CARF: variants seen among roughly 807,000 people sequenced by gnomAD.
The protein encoded by CARF is calcium-responsive transcription factor.
A neutral mutation model predicts 82.0 loss-of-function variants in CARF; 57 were observed. The observed-to-expected ratio is 0.70, with a 90% CI of 0.56 to 0.87. The LOEUF (loss-of-function observed/expected upper bound fraction) is 0.87. Among genes scored for constraint, CARF ranks in the 40% least tolerant of loss-of-function variants. CARF has a pLI of 0.00. For missense variants in CARF, 771 were observed against 855.8 expected, an observed-to-expected ratio of 0.90 and a Z score of 1.24; for synonymous variants, 268 against 290.1, an observed-to-expected ratio of 0.92 and a Z score of 0.77.
At chr2:202,936,268 A>G (rs528862467) in intron 3 of CARF, among the ~76,000 whole-genome samples, 10 of 152,236 alleles carry the variant, frequency 6.6e-5, no homozygotes, top group African/African-American at 2.2e-4. Flanking sequence ...TGGTGGTACT[A>G]TTTTACTTTT....
chr2:202,917,143 G>A (rs905678512), intron 1 of CARF, among the ~76,000 whole-genome samples: 5 of 144,052 alleles, frequency 3.5e-5, no homozygotes, highest in African/African-American at 2.6e-5. Flanking sequence ...CCCGGGAGGC[G>A]GAGCTTGCAG....
intron 5 of CARF, 138 bp from the exon 6 acceptor site, chr2:202,952,421 G>A: frequency 1.2e-6 from 1 of 826,598 alleles, no homozygotes; most frequent in Non-Finnish European, 1.8e-6. Flanking sequence ...GTGCCTCAAT[G>A]TTTTCATCTA....
chr2:202,938,940 A>C (rs1430895951), intron 3 of CARF, among the ~76,000 whole-genome samples: 1 of 152,052 alleles, frequency 6.6e-6, no homozygotes, highest in African/African-American at 2.4e-5. Context: ...TGTTGCTATT[A>C]AGAAGGCCAC....
At chr2:202,948,605 G>A (rs1014351889) in intron 5 of CARF, among the ~76,000 whole-genome samples, 2 of 151,864 alleles carry the variant, frequency 1.3e-5, no homozygotes, top group African/African-American at 4.8e-5. Flanking sequence ...TCTTTTTCTG[G>A]CAATTGTGAA....
At position 202,983,901 on chromosome 2, in the gene CARF, G is replaced by A. The variant is rs891592597; in HGVS notation, c.*277G>A. On this transcript the variant is annotated 3_prime_UTR_variant, in exon 17 of 17. Transcript: ENST00000438828. ...TTCTGAATTTATCCACAGTAATATA[G>A]TCTGAACACAAATAGTTTACTTAAC... 3 of 288,762 alleles carry A rather than the reference G, an allele frequency of 1.0e-5. No homozygotes were observed. The highest frequency in any genetic ancestry group is 1.9e-5 in the Non-Finnish European group (3 of 158,006). The allele number at this position is 288,762 out of a possible 1,614,324, so 17.9% of individuals were successfully genotyped here. A position where few individuals can be genotyped will look rare whatever the true frequency, so the allele number is the denominator to read the frequency against.
intron 5 of CARF, among the ~76,000 whole-genome samples, chr2:202,947,938 T>A (rs2058575880): frequency 6.6e-6 from 1 of 152,210 alleles, no homozygotes. Flanking sequence ...CATTCCCTTG[T>A]CCAGGATGGT....
rs2058898255 is a variant in CARF at position 202,954,023 on chromosome 2, C to G, written c.446C>G (p.Pro149Arg). The G allele has an allele frequency of 6.2e-7, 1 of 1,606,112 alleles. No homozygotes were observed. Among genetic ancestry groups the G allele is most frequent in the African/African-American group, 1.3e-5 (1 of 74,404 alleles). ...NSPRDVPEEK[P>R]SNRNLPTVRV... is the part of the protein sequence containing the mutation. ...TGTTAAGATGTCCCTGAAGAGAAAC[C>G]CAGTAACAGAAACTTACCAACTGTA... is the stretch of plus-strand genomic sequence containing the variant. Residue 149 changes from proline to arginine, a missense_variant, in exon 7 of 17, where the codon CCC becomes CGC. By Grantham distance (103) the Pro-to-Arg change is moderately radical. Coordinates refer to ENST00000438828, the MANE Select transcript of CARF (RefSeq NM_024744.17).
rs2060373903 is a variant in CARF at position 202,984,532 on chromosome 2, G to T, written c.*908G>T. Reference sequence around the variant, plus strand: ...ATTTTGTAATGAAGATCCAGCACTGGTTAAAAAATAATTTGATTTGTAGTT... The same window carrying T: ...ATTTTGTAATGAAGATCCAGCACTGTTTAAAAAATAATTTGATTTGTAGTT... On this transcript the variant is annotated 3_prime_UTR_variant, in exon 17 of 17. Coordinates refer to ENST00000438828, the MANE Select transcript of CARF (RefSeq NM_024744.17). 6.6e-6 allele frequency: 1 copy of T among 152,138 alleles called. No individual in the cohort carries two copies. The highest frequency in any genetic ancestry group is 1.5e-5 in the Non-Finnish European group (1 of 68,020). The allele number at this position is 152,138 out of a possible 1,614,324, so 9.4% of individuals were successfully genotyped here. A position where few individuals can be genotyped will look rare whatever the true frequency, so the allele number is the denominator to read the frequency against.
chr2:202,947,623 G>A (rs2058562086), intron 5 of CARF, among the ~76,000 whole-genome samples: 3 of 152,094 alleles, frequency 2.0e-5, no homozygotes. Flanking sequence ...CAGCATATGT[G>A]TCCCAGAACT....
intron 3 of CARF, among the ~76,000 whole-genome samples, chr2:202,929,402 A>G (rs1446346492): frequency 6.6e-6 from 1 of 152,178 alleles, no homozygotes; most frequent in Non-Finnish European, 1.5e-5. Context: ...TACTGCATAC[A>G]GATATCCAGT....
intron 3 of CARF, among the ~76,000 whole-genome samples, chr2:202,936,647 T>C (rs1693998266): frequency 6.6e-6 from 1 of 152,228 alleles, no homozygotes; most frequent in Non-Finnish European, 1.5e-5. Flanking sequence ...ATTTTGTAAT[T>C]GGGTTATTTT....
rs745991287 is a variant in CARF, at chr2:202,987,307, A to G, written c.*3683A>G. Among the ~76,000 whole-genome samples, 30 of 150,838 alleles carry G rather than the reference A, an allele frequency of 2.0e-4. No homozygotes were observed. Among genetic ancestry groups the G allele is most frequent in the Admixed American group, 9.3e-4 (14 of 15,094 alleles). ...AGTATAGCTTTATATTTTAGGAGTA[A>G]TGACAAAGTATGTGATCAAAAGAGA... is the stretch of plus-strand genomic sequence containing the variant. On this transcript the variant is annotated 3_prime_UTR_variant, in exon 17 of 17. Coordinates refer to ENST00000438828, the MANE Select transcript of CARF (RefSeq NM_024744.17).
chr2:202,976,083 C>CCATA (rs201118295), intron 13 of CARF, among the ~76,000 whole-genome samples: 2 of 152,060 alleles, frequency 1.3e-5, no homozygotes, highest in African/African-American at 4.8e-5. Flanking sequence ...ATCCATCCAT[C>CCATA]CATACATACA....
intron 5 of CARF, among the ~76,000 whole-genome samples, chr2:202,948,793 C>A (rs918217248): frequency 2.0e-5 from 3 of 152,240 alleles, no homozygotes; most frequent in African/African-American, 7.2e-5. Flanking sequence ...CGTCTGCAAA[C>A]AAGGATAGTC....
At chr2:202,970,450 G>C (rs2059741941) in intron 11 of CARF, among the ~76,000 whole-genome samples, 1 of 151,980 alleles carries the variant, frequency 6.6e-6, no homozygotes, top group South Asian at 2.1e-4. Flanking sequence ...ACTAATCTTT[G>C]ATTACTTACG....
chr2:202,978,588 T>C (rs2060125518), intron 14 of CARF, among the ~76,000 whole-genome samples: 1 of 152,104 alleles, frequency 6.6e-6, no homozygotes, highest in African/African-American at 2.4e-5. Flanking sequence ...TTATCCTGGA[T>C]AGAGAGTGAA....
intron 3 of CARF, among the ~76,000 whole-genome samples, chr2:202,930,587 CTT>C (rs1393478436): frequency 1.7e-4 from 26 of 152,052 alleles, no homozygotes; most frequent in Admixed American, 1.7e-3. Context: ...ATTTGTATCT[CTT>C]TGTTGAATTT....
intron 11 of CARF, among the ~76,000 whole-genome samples, chr2:202,970,306 G>C (rs1375062447): frequency 6.6e-6 from 1 of 152,090 alleles, no homozygotes; most frequent in East Asian, 1.9e-4. Context: ...CATATACTCT[G>C]TATACCATAT....
At chr2:202,928,115 G>T (rs1692206850) in intron 3 of CARF, among the ~76,000 whole-genome samples, 1 of 152,024 alleles carries the variant, frequency 6.6e-6, no homozygotes, top group Non-Finnish European at 1.5e-5. Context: ...CAACCATTTG[G>T]CTGTTCCCTT....
Sources: gnomAD v4.1 joint callset for allele counts (sites outside exome capture counted in the v4.1 genomes callset) on GRCh38, gnomAD v4.1.1 for gene constraint, MANE v1.5 for transcripts, NCBI Gene and HGNC (gene_info 2026-07-23, HGNC 2026-07-21) for gene names.